Variants in DCC observed in about 807,000 individuals in gnomAD.
DCC encodes the protein netrin receptor DCC.
A neutral mutation model predicts 172.5 loss-of-function variants in DCC; 58 were observed. The ratio of observed to expected loss-of-function variants is 0.34; its 90% CI spans 0.27 to 0.42. DCC has a LOEUF of 0.42. Among genes scored for constraint, DCC ranks in the 10% least tolerant of loss-of-function variants. The pLI, the probability that DCC is intolerant of heterozygous loss-of-function variation, is 1.00. For missense variants in DCC, 1,740 were observed against 1,791.0 expected (o/e 0.97, Z 0.51); for synonymous variants, 709 against 644.5 (o/e 1.10, Z -1.52).
chr18:52,772,672 G>A (rs1368560433), intron 2 of DCC, among the ~76,000 whole-genome samples: 2 of 152,170 alleles, frequency 1.3e-5, no homozygotes, highest in African/African-American at 2.4e-5. Flanking sequence ...TTTCAGTCCA[G>A]AAAAAGATCT....
chr18:53,463,281 C>G (rs1316662372), intron 24 of DCC, among the ~76,000 whole-genome samples: 3 of 152,164 alleles, frequency 2.0e-5, no homozygotes, highest in Non-Finnish European at 4.4e-5. Context: ...TTAATAAGTC[C>G]TGGGGGAAGG....
At chr18:52,508,186 T>A (rs2031303776) in intron 1 of DCC, among the ~76,000 whole-genome samples, 1 of 152,296 alleles carries the variant, frequency 6.6e-6, no homozygotes, top group South Asian at 2.1e-4. Context: ...AGAAGAAAGA[T>A]GTCTGCTTTT....
rs1024679835 is a variant in DCC at position 53,037,880 on chromosome 18, A to C, written c.986-25425A>C. ...TATTGAATGAGATAAAATACTGTGA[A>C]AATGTTCTATAATGTTTGACATTGG... On this transcript the variant is annotated intron_variant, in intron 5 of 28. Transcript: ENST00000442544. 3.3e-5 allele frequency among the ~76,000 whole-genome samples: 5 copies of C among 151,946 alleles called. No homozygotes were observed. In the East Asian group the frequency reaches 9.7e-4, roughly 30 times the overall value.
intron 7 of DCC, among the ~76,000 whole-genome samples, chr18:53,151,438 C>T (rs2043994168): frequency 6.6e-6 from 1 of 152,124 alleles, no homozygotes. Context: ...TTATTATTAG[C>T]TTCATGCGTA....
intron 1 of DCC, among the ~76,000 whole-genome samples, chr18:52,656,020 ATATATATG>A (rs1440482909): frequency 5.0e-5 from 5 of 100,590 alleles, no homozygotes; most frequent in Admixed American, 1.4e-4. Flanking sequence ...ATATGTGTGT[ATATATATG>A]TATATATGTG....
chr18:53,110,462 G>T (rs1185341518), intron 7 of DCC, among the ~76,000 whole-genome samples: 3 of 151,696 alleles, frequency 2.0e-5, no homozygotes, highest in Non-Finnish European at 4.4e-5. Context: ...ACAAAAGAGG[G>T]CTTTTGCCAC....
At chr18:53,459,201 C>G in intron 23 of DCC, 31 bp from the exon 24 acceptor site, 1 of 1,535,042 alleles carries the variant, frequency 6.5e-7, no homozygotes, top group Non-Finnish European at 9.0e-7. Flanking sequence ...AATAGAGGTT[C>G]TCACATTTGC....
At chr18:52,648,923 G>A (rs993686612) in intron 1 of DCC, among the ~76,000 whole-genome samples, 1 of 152,126 alleles carries the variant, frequency 6.6e-6, no homozygotes, top group African/African-American at 2.4e-5. Flanking sequence ...TGCTCTGGAA[G>A]CATTATTTTC....
chr18:53,276,149 C>T (rs2056804329), intron 12 of DCC, among the ~76,000 whole-genome samples: 1 of 152,094 alleles, frequency 6.6e-6, no homozygotes, highest in Non-Finnish European at 1.5e-5. Flanking sequence ...AAACTATCAA[C>T]TTTGACATCT....
chr18:53,184,358 A>T (rs2055246807), intron 9 of DCC, among the ~76,000 whole-genome samples: 1 of 152,062 alleles, frequency 6.6e-6, no homozygotes, highest in Admixed American at 6.6e-5. Flanking sequence ...TAAGGAAGGA[A>T]ATACATTCCA....
intron 17 of DCC, 90 bp downstream of exon 17, chr18:53,391,977 G>C: frequency 5.2e-6 from 4 of 771,050 alleles, no homozygotes; most frequent in Non-Finnish European, 9.2e-6. Flanking sequence ...GTCATGAGTC[G>C]TTTTGCTGCT....
intron 1 of DCC, among the ~76,000 whole-genome samples, chr18:52,436,026 G>A (rs544886169): frequency 5.3e-5 from 8 of 152,180 alleles, no homozygotes; most frequent in South Asian, 2.1e-4. Context: ...GGAGTTCTCC[G>A]GAAACTCTGG....
In DCC at chr18:53,106,198, G is replaced by A. The variant is rs74618240; in HGVS notation, c.1261+40032G>A. ...TGATGGGTTAAGACTCAAAGGAGGC[G>A]TCTTATTTCCCATTGCTGCCTAACC... On this transcript the variant is annotated intron_variant, in intron 7 of 28. Transcript: ENST00000442544. 7.2e-3 allele frequency among the ~76,000 whole-genome samples: 1,089 copies of A among 151,912 alleles called. 32 individuals carry two copies. The highest frequency in any genetic ancestry group is 0.056 in the Admixed American group (859 of 15,216).
intron 2 of DCC, among the ~76,000 whole-genome samples, chr18:52,830,601 A>C (rs1488280898): frequency 6.6e-6 from 1 of 152,158 alleles, no homozygotes; most frequent in Non-Finnish European, 1.5e-5. Context: ...TTACTAGACT[A>C]TCTGTAGCCT....
At chr18:53,092,519 T>C in intron 7 of DCC, among the ~76,000 whole-genome samples, 1 of 152,314 alleles carries the variant, frequency 6.6e-6, no homozygotes. Context: ...TTTAACTTTA[T>C]TGCAACAATC....
intron 1 of DCC, among the ~76,000 whole-genome samples, chr18:52,417,972 T>A (rs1290786652): frequency 5.9e-5 from 9 of 152,204 alleles, no homozygotes; most frequent in Non-Finnish European, 1.2e-4. Context: ...TCTGTCCGCA[T>A]CATCTGTCAT....
chr18:52,764,502 T>C (rs995966363), intron 2 of DCC, among the ~76,000 whole-genome samples: 4 of 152,224 alleles, frequency 2.6e-5, no homozygotes, highest in Non-Finnish European at 5.9e-5. Context: ...AATGAGCTCT[T>C]GCTTTATTAG....
chr18:53,162,324 A>G (rs568056793), intron 8 of DCC, among the ~76,000 whole-genome samples: 68 of 151,606 alleles, frequency 4.5e-4, no homozygotes, highest in African/African-American at 1.5e-3. Flanking sequence ...AATTAAGACC[A>G]GAAACAAAAT....
rs151031008 is a variant in DCC at position 53,119,433 on chromosome 18, A to G, written c.1262-37923A>G. Among the ~76,000 whole-genome samples, 588 of 151,908 alleles carry G rather than the reference A, an allele frequency of 3.9e-3. 2 individuals carry two copies. The highest frequency in any genetic ancestry group is 0.014 in the Middle Eastern group (4 of 294). ...TAGCATGAGGCTGACCAAGGCCTCC[A>G]TCCTCACATATTAGACTCTGTCTAC... On this transcript the variant is annotated intron_variant, in intron 7 of 28. Coordinates refer to ENST00000442544, the MANE Select transcript of DCC (RefSeq NM_005215.4).
Sources: gnomAD v4.1 joint callset for allele counts (sites outside exome capture counted in the v4.1 genomes callset) on GRCh38, gnomAD v4.1.1 for gene constraint, MANE v1.5 for transcripts, NCBI Gene and HGNC (gene_info 2026-07-23, HGNC 2026-07-21) for gene names.